CLEC4A: variants seen among roughly 807,000 people sequenced by gnomAD.
CLEC4A encodes C-type lectin domain family 4 member A.
Under a neutral mutation model 32.7 loss-of-function variants are expected in CLEC4A, and 27 were observed. The observed-to-expected ratio is 0.83, with a 90% confidence interval of 0.61 to 1.14. The LOEUF (loss-of-function observed/expected upper bound fraction) is 1.14. Ranked by LOEUF, CLEC4A falls within the 50% of genes most tolerant of loss-of-function variation. The pLI is 0.00. For missense variants in CLEC4A, 253 were observed against 274.6 expected, an observed-to-expected ratio of 0.92 and a Z score of 0.55; for synonymous variants, 89 against 93.7, an observed-to-expected ratio of 0.95 and a Z score of 0.29.
chr12:8,111,298 G>A, the CLEC4A span, among the ~76,000 whole-genome samples: 1 of 149,502 alleles, frequency 6.7e-6, no homozygotes, highest in Non-Finnish European at 1.5e-5. Context: ...TCCTGCCTCA[G>A]CCTGCCAAAT....
rs771078989 is a variant in CLEC4A at position 8,134,308 on chromosome 12, C to G, written c.299-1277C>G. ...GCAGAGCCTCAAAGCGGCAGATGGTCGTTTGGCTGAACACCTTCCCAAATA... is the reference window on the plus strand; with the variant it reads ...GCAGAGCCTCAAAGCGGCAGATGGTGGTTTGGCTGAACACCTTCCCAAATA... On this transcript the variant is annotated intron_variant, in intron 3 of 5. Coordinates refer to ENST00000229332, the MANE Select transcript of CLEC4A (RefSeq NM_016184.4). The G allele has an allele frequency of 5.0e-6, 8 of 1,611,918 alleles. No individual in the cohort carries two copies. In the East Asian group the frequency reaches 1.6e-4, roughly 31 times the overall value.
chr12:8,134,103 G>A, intron 3 of CLEC4A: 15 of 1,592,116 alleles, frequency 9.4e-6, no homozygotes, highest in Admixed American at 1.8e-5. Flanking sequence ...TTCGGGCACC[G>A]CAGGAACAAA....
rs748712405 is a variant in CLEC4A at position 8,129,294 on chromosome 12, A to C, written c.230A>C (p.Glu77Ala). The C allele has an allele frequency of 1.9e-6, 3 of 1,602,366 alleles. No homozygotes were observed. The Admixed American group carries it at 5.2e-5, about 28-fold the overall frequency. The change falls in exon 3 of 6, where the codon GAA (glutamate) becomes GCA (alanine). Residue 77 changes from glutamate (E) to alanine (A), a missense_variant. Glu to Ala is a moderately radical substitution (Grantham distance 107). Coordinates refer to ENST00000229332, the MANE Select transcript of CLEC4A (RefSeq NM_016184.4). ...TTTCAAAAATATTCTCAGCTTCTTG[A>C]AAAAAAGACTACAAAAGAGCTGGTT... ...IFFQKYSQLLEKKTTKELVHT... is the reference protein window; with the variant it reads ...IFFQKYSQLLAKKTTKELVHT...
rs1591611840 is a variant in CLEC4A at position 8,134,979 on chromosome 12, G to GTT, written c.299-601_299-600dup. 222 of 165,836 alleles carry GTT rather than the reference G, an allele frequency of 1.3e-3. 21 individuals are homozygous for GTT. Among genetic ancestry groups the GTT allele is most frequent in the African/African-American group, 3.7e-3 (51 of 13,786 alleles). The allele number at this position is 165,836 out of a possible 1,614,324, so 10.3% of individuals were successfully genotyped here. On this transcript the variant is annotated intron_variant, in intron 3 of 5. Transcript: ENST00000229332. ...TGTATCTTCTTGTTGAAGCGTTTTT[G>GTT]TTTTTTGTTTTTTTTTAATCATGGC...
chr12:8,131,441 A>G (rs1172760880), intron 3 of CLEC4A, among the ~76,000 whole-genome samples: 1 of 152,190 alleles, frequency 6.6e-6, no homozygotes, highest in African/African-American at 2.4e-5. Flanking sequence ...CAGAACCTTG[A>G]AGAGCCAGTG....
intron 3 of CLEC4A, among the ~76,000 whole-genome samples, chr12:8,129,886 A>G (rs962629830): frequency 1.3e-5 from 2 of 152,188 alleles, no homozygotes; most frequent in African/African-American, 4.8e-5. Flanking sequence ...CCCAGGCTAG[A>G]GTGCAGTAGT....
chr12:8,113,019 A>G, the CLEC4A span, among the ~76,000 whole-genome samples: 1 of 152,010 alleles, frequency 6.6e-6, no homozygotes, highest in South Asian at 2.1e-4. Context: ...CACAACGTGC[A>G]GGTTTGTTAC....
chr12:8,134,505 G>C (rs779177925), intron 3 of CLEC4A: 1 of 1,613,900 alleles, frequency 6.2e-7, no homozygotes. Flanking sequence ...AGAGGGGACG[G>C]TGCAGGGCTC....
chr12:8,113,045 A>C, the CLEC4A span, among the ~76,000 whole-genome samples: 7 of 151,790 alleles, frequency 4.6e-5, no homozygotes, highest in African/African-American at 1.7e-4. Flanking sequence ...TATACATGTG[A>C]CATGTTGGTG....
At chr12:8,127,647 A>G (rs1207452903) in intron 2 of CLEC4A, among the ~76,000 whole-genome samples, 2 of 152,156 alleles carry the variant, frequency 1.3e-5, no homozygotes, top group African/African-American at 2.4e-5. Context: ...AGAGGTTAGA[A>G]GGATAATTCA....
At chr12:8,103,450 G>T in the CLEC4A span, among the ~76,000 whole-genome samples, 1 of 125,974 alleles carries the variant, frequency 7.9e-6, no homozygotes, top group African/African-American at 3.0e-5. Context: ...GCAGTGGCAT[G>T]ATCTCGGCTC....
At chr12:8,103,371 C>CTTTTTTTTTTTTTTTTTTTT in the CLEC4A span, among the ~76,000 whole-genome samples, 2 of 49,022 alleles carry the variant, frequency 4.1e-5, no homozygotes, top group South Asian at 6.9e-4. Context: ...TTGTTTCTTT[C>CTTTTTTTTTTTTTTTTTTTT]TGTTGTTTTT....
At chr12:8,114,275 T>C in the CLEC4A span, among the ~76,000 whole-genome samples, 3,159 of 152,182 alleles carry the variant, frequency 0.021, 117 homozygotes, top group African/African-American at 0.073. Flanking sequence ...GATGGAGTCT[T>C]GCTCTGTCGC....
chr12:8,135,656 T>C lies in CLEC4A; in HGVS notation c.370T>C (p.Ser124Pro). 6.2e-7 allele frequency: 1 copy of C among 1,614,238 alleles called. No homozygotes were observed. Among genetic ancestry groups the C allele is most frequent in the Non-Finnish European group, 8.5e-7 (1 of 1,180,032 alleles). The change falls in exon 4 of 6, where the codon TCA becomes CCA. Residue 124 changes from serine (S) to proline (P), a missense_variant. Coordinates refer to ENST00000229332, the MANE Select transcript of CLEC4A (RefSeq NM_016184.4). ...SSNCYFISTESASWQDSEKDC... is the reference protein window; with the variant it reads ...SSNCYFISTEPASWQDSEKDC... ...CAACTGCTACTTTATTTCTACTGAA[T>C]CAGCATCTTGGCAAGACAGTGAGAA...
At chr12:8,134,064 C>A in intron 3 of CLEC4A, 1 of 1,591,326 alleles carries the variant, frequency 6.3e-7, no homozygotes, top group Non-Finnish European at 8.6e-7. Flanking sequence ...AGCTGCTGGG[C>A]GATGTGGCTG....
At chr12:8,114,083 C>T in the CLEC4A span, among the ~76,000 whole-genome samples, 6 of 152,020 alleles carry the variant, frequency 3.9e-5, no homozygotes, top group Admixed American at 2.0e-4. Flanking sequence ...TGCACTTGCC[C>T]GAGGCTGGTT....
chr12:8,103,425 C>T, the CLEC4A span, among the ~76,000 whole-genome samples: 22 of 125,288 alleles, frequency 1.8e-4, no homozygotes, highest in Admixed American at 6.9e-4. Context: ...CTCACTCTGT[C>T]GCCCAGGCTG....
At chr12:8,103,373 G>GTTTTTTTTTTTTTTTTTTTTTTTTT in the CLEC4A span, among the ~76,000 whole-genome samples, 157 of 78,016 alleles carry the variant, frequency 2.0e-3, 28 homozygotes, top group Admixed American at 2.8e-3. Context: ...GTTTCTTTCT[G>GTTTTTTTTTTTTTTTTTTTTTTTTT]TTGTTTTTTT....
intron 1 of CLEC4A, among the ~76,000 whole-genome samples, chr12:8,124,777 T>C (rs1048670315): frequency 6.6e-6 from 1 of 152,238 alleles, no homozygotes; most frequent in Non-Finnish European, 1.5e-5. Context: ...CAAGTATTAA[T>C]GTTCATTGTA....
Sources: allele counts gnomAD v4.1 joint callset (sites outside exome capture counted in the v4.1 genomes callset), GRCh38; gene constraint gnomAD v4.1.1; transcripts MANE v1.5; gene names NCBI Gene and HGNC (gene_info 2026-07-23, HGNC 2026-07-21).